Variants in MAJIN observed in about 807,000 individuals in gnomAD.
MAJIN encodes membrane anchored junction protein.
In MAJIN, 27 loss-of-function variants were observed where a neutral mutation model predicts 30.2. That is an observed-to-expected ratio of 0.89 (90% CI 0.66 to 1.23). MAJIN has a LOEUF of 1.23. Ranked by LOEUF, MAJIN falls within the 50% of genes most tolerant of loss-of-function variation. The pLI is 0.00. For missense variants in MAJIN, 253 were observed against 260.3 expected, an observed-to-expected ratio of 0.97 and a Z score of 0.19; for synonymous variants, 78 against 91.6, an observed-to-expected ratio of 0.85 and a Z score of 0.85.
intron 8 of MAJIN, among the ~76,000 whole-genome samples, chr11:64,946,581 T>TG (rs909212877): frequency 2.6e-5 from 4 of 152,098 alleles, no homozygotes; most frequent in Admixed American, 6.5e-5. Context: ...CTGGAGAGCA[T>TG]GGGGTCAGCT....
chr11:64,959,245 T>G, intron 3 of MAJIN, 60 bp downstream of exon 3: 1 of 1,358,094 alleles, frequency 7.4e-7, no homozygotes, highest in Admixed American at 1.7e-5. Flanking sequence ...AGGTGACCTG[T>G]GGGAATGCAC....
intron 7 of MAJIN, 122 bp downstream of exon 7, chr11:64,947,666 A>G (rs973616966): frequency 3.2e-5 from 37 of 1,162,844 alleles, no homozygotes; most frequent in Non-Finnish European, 4.2e-5. Context: ...TATGTTTACA[A>G]TTCTGACTGG....
chr11:64,956,958 G>A (rs1398514025), intron 3 of MAJIN, among the ~76,000 whole-genome samples: 2 of 151,780 alleles, frequency 1.3e-5, no homozygotes, highest in Non-Finnish European at 2.9e-5. Context: ...GTAGAGATGG[G>A]GTTTCACCAT....
chr11:64,968,399 T>C (rs1945845003), intron 1 of MAJIN, among the ~76,000 whole-genome samples: 1 of 151,976 alleles, frequency 6.6e-6, no homozygotes. Flanking sequence ...GCCTCCCAAG[T>C]AGCTGGGACT....
intron 3 of MAJIN, among the ~76,000 whole-genome samples, chr11:64,957,488 C>T (rs1182214092): frequency 6.6e-6 from 1 of 152,224 alleles, no homozygotes; most frequent in Non-Finnish European, 1.5e-5. Context: ...ACTGCAGCCT[C>T]TGCCTCCCAG....
intron 1 of MAJIN, among the ~76,000 whole-genome samples, chr11:64,967,786 A>G (rs533148823): frequency 7.2e-5 from 11 of 152,324 alleles, no homozygotes; most frequent in African/African-American, 2.6e-4. Context: ...AAGTAACAAG[A>G]GAGACATGAT....
chr11:64,939,673 A>C lies in MAJIN; in HGVS notation c.641T>G (p.Leu214Trp). Residue 214 changes from leucine (L) to tryptophan (W), a missense_variant, in exon 10 of 11, where the codon TTG becomes TGG. Transcript: ENST00000301896. ...AGAAGCTGTCTTACCTTAGAAACCC[A>C]AAGAAGCCGGTGGCTGCTCGCTCCT... The part of the protein sequence containing the change: ...HLRSEQPPAS[L>W]GF 1 of 1,613,908 alleles carries C rather than the reference A, an allele frequency of 6.2e-7. No individual in the cohort carries two copies. The highest frequency in any genetic ancestry group is 8.5e-7 in the Non-Finnish European group (1 of 1,179,876).
At chr11:64,961,624 C>T (rs1286062373) in intron 1 of MAJIN, among the ~76,000 whole-genome samples, 14 of 150,468 alleles carry the variant, frequency 9.3e-5, no homozygotes, top group Middle Eastern at 6.9e-3. Context: ...TACAGGCGCC[C>T]GCCACCAAGC....
chr11:64,948,585 A>C (rs1590694217), intron 6 of MAJIN, among the ~76,000 whole-genome samples: 2 of 97,104 alleles, frequency 2.1e-5, no homozygotes, highest in African/African-American at 3.9e-5. Context: ...ATGCACCACC[A>C]CCATGTCGGG....
intron 1 of MAJIN, among the ~76,000 whole-genome samples, chr11:64,964,096 A>G (rs962145971): frequency 6.6e-6 from 1 of 152,052 alleles, no homozygotes; most frequent in Non-Finnish European, 1.5e-5. Context: ...GGCATGCACC[A>G]TCACACCTAA....
chr11:64,954,208 C>G (rs574036054), intron 4 of MAJIN: 43 of 190,174 alleles, frequency 2.3e-4, no homozygotes, highest in African/African-American at 1.0e-3. Context: ...AACTCCTTGT[C>G]CATTGCTTCC....
At chr11:64,957,784 C>T (rs758028923) in intron 3 of MAJIN, among the ~76,000 whole-genome samples, 5 of 151,978 alleles carry the variant, frequency 3.3e-5, no homozygotes, top group Non-Finnish European at 7.4e-5. Context: ...GCAACCTCCA[C>T]CTCCCGGGTT....
intron 8 of MAJIN, among the ~76,000 whole-genome samples, chr11:64,942,779 T>A (rs912630174): frequency 3.3e-5 from 5 of 152,206 alleles, no homozygotes; most frequent in African/African-American, 1.2e-4. Context: ...AGAGTGGAGA[T>A]GGAATTTAGA....
chr11:64,954,972 G>A (rs890942091), intron 3 of MAJIN, among the ~76,000 whole-genome samples, 170 bp from the exon 4 acceptor site: 2 of 152,208 alleles, frequency 1.3e-5, no homozygotes, highest in African/African-American at 4.8e-5. Flanking sequence ...CCTAGGTGGC[G>A]TGGTCTGAAC....
intron 6 of MAJIN, among the ~76,000 whole-genome samples, chr11:64,949,482 ACAACT>A (rs1283295872): frequency 6.6e-6 from 1 of 152,212 alleles, no homozygotes; most frequent in African/African-American, 2.4e-5. Flanking sequence ...AATCCTTTTA[ACAACT>A]CAATGATATA....
intron 10 of MAJIN, 119 bp downstream of exon 10, chr11:64,939,543 C>T (rs1945341357): frequency 6.1e-6 from 5 of 815,906 alleles, no homozygotes; most frequent in Non-Finnish European, 9.8e-6. Flanking sequence ...CTATCCTAGA[C>T]ATAAGTGAGA....
At chr11:64,947,138 T>C (rs1945463165) in intron 8 of MAJIN, among the ~76,000 whole-genome samples, 1 of 152,250 alleles carries the variant, frequency 6.6e-6, no homozygotes. Flanking sequence ...ACTGTATTTC[T>C]TCTTAGCCTT....
intron 8 of MAJIN, among the ~76,000 whole-genome samples, chr11:64,946,901 T>C (rs1945460670): frequency 6.6e-6 from 1 of 152,184 alleles, no homozygotes; most frequent in Non-Finnish European, 1.5e-5. Flanking sequence ...CAATGATTGA[T>C]ACATACCCTC....
chr11:64,966,539 AAAAAG>A (rs796249935), intron 1 of MAJIN, among the ~76,000 whole-genome samples: 5 of 152,278 alleles, frequency 3.3e-5, no homozygotes, highest in East Asian at 3.9e-4. Flanking sequence ...TCCATCTCAA[AAAAAG>A]AAAAGAAAAG....
Sources: gnomAD v4.1 joint callset for allele counts (sites outside exome capture counted in the v4.1 genomes callset) on GRCh38, gnomAD v4.1.1 for gene constraint, MANE v1.5 for transcripts, NCBI Gene and HGNC (gene_info 2026-07-23, HGNC 2026-07-21) for gene names.